CCDC88A: variants seen among roughly 807,000 people sequenced by gnomAD.
CCDC88A encodes girdin.
A neutral mutation model predicts 234.3 loss-of-function variants in CCDC88A; 54 were observed. The observed-to-expected ratio is 0.23, with a 90% CI of 0.19 to 0.29. The LOEUF is 0.29. CCDC88A is among the 10% of genes least tolerant of loss of function. The pLI, the probability that CCDC88A is intolerant of heterozygous loss-of-function variation, is 1.00. For missense variants in CCDC88A, 1,832 were observed against 2,123.4 expected (o/e 0.86, Z 2.70); for synonymous variants, 753 against 737.8 (o/e 1.02, Z -0.33).
Position 55,332,772 on chromosome 2 carries a change from A to G in CCDC88A, c.2728-79T>C, listed in dbSNP as rs983788133. 8.1e-7 allele frequency: 1 copy of G among 1,228,044 alleles called. No homozygotes were observed. Among genetic ancestry groups the G allele is most frequent in the Non-Finnish European group, 1.2e-6 (1 of 852,130 alleles). The allele number at this position is 1,228,044 out of a possible 1,614,324, so 76.1% of individuals were successfully genotyped here. On this transcript the variant is annotated intron_variant, in intron 15 of 32. Transcript: ENST00000436346. This position sits in a 1 kb window ranked among gnomAD's most constrained non-coding sequence, Gnocchi z 4.5. ...AAGAAAGTCAGCTAAGATTCTAATT[A>G]CCACCATCTAGGAATACATGTAATT...
At chr2:55,372,377 T>G in intron 5 of CCDC88A, 75 bp downstream of exon 5, 1 of 746,172 alleles carries the variant, frequency 1.3e-6, no homozygotes, top group Non-Finnish European at 2.2e-6. Context: ...CCTTAAGTCT[T>G]TCAGAAACTA....
rs182778166 is a variant in CCDC88A, at chr2:55,364,025, T to C, written c.411A>G (p.Lys137=). ...GAATTCTTTCAATAAATTCCTCTTT[T>C]TTCTGACACTAAAATAAATGAATAA... The part of the protein sequence containing the change: ...LLLGCAVQCQ[K]KEEFIERIQG... The change falls in exon 6 of 33, where the codon AAA becomes AAG. Residue 137 remains lysine (K), a synonymous_variant. Coordinates refer to ENST00000436346, the MANE Select transcript of CCDC88A (RefSeq NM_001365480.1). 68 of 1,508,324 alleles carry C rather than the reference T, an allele frequency of 4.5e-5. 1 individual carries two copies. In the East Asian group the frequency reaches 1.5e-3, roughly 33 times the overall value. The allele number at this position is 1,508,324 out of a possible 1,614,324, so 93.4% of individuals were successfully genotyped here. A position where few individuals can be genotyped will look rare whatever the true frequency, so the allele number is the denominator to read the frequency against.
At chr2:55,410,713 G>A (rs1036939123) in intron 2 of CCDC88A, among the ~76,000 whole-genome samples, 1 of 151,940 alleles carries the variant, frequency 6.6e-6, no homozygotes, top group Non-Finnish European at 1.5e-5. Context: ...GCAAAACTCT[G>A]CCTTTACAAA....
chr2:55,385,669 A>G (rs13393046), intron 3 of CCDC88A, among the ~76,000 whole-genome samples: 2,372 of 151,954 alleles, frequency 0.016, 68 homozygotes, highest in African/African-American at 0.054. Flanking sequence ...CCTGGCCAAC[A>G]TGGTGAAACC....
intron 2 of CCDC88A, among the ~76,000 whole-genome samples, chr2:55,400,989 T>A (rs1290563663): frequency 1.3e-5 from 2 of 152,208 alleles, no homozygotes; most frequent in African/African-American, 4.8e-5. Context: ...GAATGTTTGC[T>A]TTATGAAAAA....
At chr2:55,346,391 T>C (rs927557558) in intron 9 of CCDC88A, 58 bp from the exon 10 acceptor site, 1 of 950,834 alleles carries the variant, frequency 1.1e-6, no homozygotes, top group South Asian at 1.8e-5. Flanking sequence ...TTGTTATTCT[T>C]TGTTGCACAA....
chr2:55,342,635 T>C (rs1385822559), intron 12 of CCDC88A, among the ~76,000 whole-genome samples: 1 of 152,118 alleles, frequency 6.6e-6, no homozygotes, highest in Non-Finnish European at 1.5e-5. Context: ...TAACACAAGT[T>C]CAATCATTGA....
chr2:55,419,008 C>T lies in CCDC88A; in HGVS notation c.63+9G>A. 6.2e-7 allele frequency: 1 copy of T among 1,610,636 alleles called. No homozygotes were observed. The highest frequency in any genetic ancestry group is 8.5e-7 in the Non-Finnish European group (1 of 1,176,860). ...CAGCAAAATATACAATAAAGGACAC[C>T]CCACTTACCCAAGTGACCAAAGGGC... is the stretch of plus-strand genomic sequence containing the variant. On this transcript the variant is annotated intron_variant, in intron 1 of 32. Coordinates refer to ENST00000436346, the MANE Select transcript of CCDC88A (RefSeq NM_001365480.1).
At chr2:55,349,404 C>G in intron 9 of CCDC88A, 114 bp downstream of exon 9, 1 of 766,552 alleles carries the variant, frequency 1.3e-6, no homozygotes, top group Non-Finnish European at 2.1e-6. Flanking sequence ...CTTGAAGCCT[C>G]AGGAACCTCT....
chr2:55,352,884 G>A (rs1040455942), intron 8 of CCDC88A, among the ~76,000 whole-genome samples: 10 of 152,054 alleles, frequency 6.6e-5, no homozygotes, highest in Admixed American at 5.9e-4. Context: ...AAGGCAACCT[G>A]CTGTTTTTGT....
chr2:55,295,630 C>T lies in CCDC88A; in HGVS notation c.5518G>A (p.Ala1840Thr). The change falls in exon 31 of 33, where the codon GCT becomes ACT. Residue 1840 changes from alanine to threonine, a missense_variant. Around this residue, in one of 6 missense-constraint regions of CCDC88A, gnomAD observed 422 missense variants for 416.5 expected, o/e 1.01. Coordinates refer to ENST00000436346, the MANE Select transcript of CCDC88A (RefSeq NM_001365480.1). ...GCAGTGGTGTTGCTGTCAGCAGCAG[C>T]TGGTGGTGAATCAACTGATATAGGC... ...RLPISVDSPP[A>T]AADSNTTAAS... 2 of 1,614,166 alleles carry T rather than the reference C, an allele frequency of 1.2e-6. No individual in the cohort carries two copies. Among genetic ancestry groups the T allele is most frequent in the Middle Eastern group, 1.6e-4 (1 of 6,062 alleles).
At chr2:55,416,492 A>ATATGTATC (rs1681493789) in intron 2 of CCDC88A, among the ~76,000 whole-genome samples, 1 of 66,574 alleles carries the variant, frequency 1.5e-5, no homozygotes, top group Non-Finnish European at 3.4e-5. Context: ...ATATATGTAT[A>ATATGTATC]TATTTTCTTC....
Position 55,322,557 on chromosome 2 carries a change from T to C in CCDC88A, c.3133A>G (p.Lys1045Glu). 6.2e-7 allele frequency: 1 copy of C among 1,601,704 alleles called. No individual in the cohort carries two copies. The highest frequency in any genetic ancestry group is 8.5e-7 in the Non-Finnish European group (1 of 1,172,916). The change falls in exon 18 of 33, where the codon AAA (lysine) becomes GAA (glutamate). Residue 1045 changes from lysine to glutamate, a missense_variant. Lys to Glu is a moderately conservative substitution (Grantham distance 56). Around this residue, in one of 6 missense-constraint regions of CCDC88A, gnomAD observed 1,282 missense variants for 1,543.6 expected, o/e 0.83. Transcript: ENST00000436346. ...QETTRELLKV[K>E]DRLIEVERNN... Reference sequence around the variant, plus strand: ...CTTTCTACTTCAATTAATCTGTCTTTAACTTTCAGAAGTTCTCTAGTCGTT... The same window carrying C: ...CTTTCTACTTCAATTAATCTGTCTTCAACTTTCAGAAGTTCTCTAGTCGTT...
In CCDC88A at chr2:55,335,441, A is replaced by C. The variant is rs114681353; in HGVS notation, c.1657-277T>G. Among the ~76,000 whole-genome samples, 1,164 of 152,310 alleles carry C rather than the reference A, an allele frequency of 7.6e-3. 10 individuals are homozygous for C. Among genetic ancestry groups the C allele is most frequent in the South Asian group, 0.014 (66 of 4,828 alleles). On this transcript the variant is annotated intron_variant, in intron 14 of 32. Transcript: ENST00000436346. This position sits in a 1 kb window ranked among gnomAD's most constrained non-coding sequence, Gnocchi z 4.5. ...ACGGTTGAGAAATGTATTTTCTATT[A>C]ATCATAATGGTCTTCAGATTATTTA... is the stretch of plus-strand genomic sequence containing the variant.
At chr2:55,366,684 C>G (rs1270616390) in intron 5 of CCDC88A, among the ~76,000 whole-genome samples, 1 of 151,966 alleles carries the variant, frequency 6.6e-6, no homozygotes, top group African/African-American at 2.4e-5. Flanking sequence ...CATCTTCTAC[C>G]AGAGATCTTA....
Position 55,322,695 on chromosome 2 carries a change from A to G in CCDC88A, c.2998-3T>C, listed in dbSNP as rs1683781897. 1 of 1,474,028 alleles carries G rather than the reference A, an allele frequency of 6.8e-7. No individual in the cohort carries two copies. Among genetic ancestry groups the G allele is most frequent in the African/African-American group, 1.4e-5 (1 of 70,502 alleles). The allele number at this position is 1,474,028 out of a possible 1,614,324, so 91.3% of individuals were successfully genotyped here. A position where few individuals can be genotyped will look rare whatever the true frequency, so the allele number is the denominator to read the frequency against. On this transcript the variant is annotated splice_region_variant and splice_polypyrimidine_tract_variant and intron_variant, in intron 17 of 32. Transcript: ENST00000436346. ...AGAGCTTCATAATTTTTTTTCACCT[A>G]AAATTTTATTTAAAATATTTTAATG...
chr2:55,416,443 A>ATATATAGAT (rs1553442860), intron 2 of CCDC88A, among the ~76,000 whole-genome samples: 1 of 15,838 alleles, frequency 6.3e-5, no homozygotes, highest in African/African-American at 1.7e-4. Context: ...TAAATAAATA[A>ATATATAGAT]ATATATATAT....
rs200774060 is a variant in CCDC88A at position 55,318,833 on chromosome 2, A to G, written c.3324+10T>C. 1.7e-5 allele frequency: 27 copies of G among 1,571,272 alleles called. No individual in the cohort carries two copies. In the East Asian group the frequency reaches 5.6e-4, roughly 33 times the overall value. On this transcript the variant is annotated intron_variant, in intron 19 of 32. Coordinates refer to ENST00000436346, the MANE Select transcript of CCDC88A (RefSeq NM_001365480.1). ...TTTGGTTGCATATTCCCAAAATATT[A>G]TATTACAACCTGAAGCTTGGCATTC... is the stretch of plus-strand genomic sequence containing the variant.
intron 2 of CCDC88A, chr2:55,417,160 T>C (rs1194504719): frequency 6.6e-6 from 1 of 152,088 alleles, no homozygotes; most frequent in Non-Finnish European, 1.5e-5. Context: ...TATTTGTTTT[T>C]AGCACCTCAG....
Sources: gnomAD v4.1 joint callset for allele counts (sites outside exome capture counted in the v4.1 genomes callset) on GRCh38, gnomAD v4.1.1 for gene constraint, gnomAD v4.1.1 regional missense constraint, Gnocchi (gnomAD v3.1) non-coding constraint, MANE v1.5 for transcripts, NCBI Gene and HGNC (gene_info 2026-07-23, HGNC 2026-07-21) for gene names.